Variants in RPS6KC1 observed in about 807,000 individuals in gnomAD.
RPS6KC1 encodes ribosomal protein S6 kinase C1, also known as inactive ribosomal protein S6 kinase delta-1.
A neutral mutation model predicts 103.8 loss-of-function variants in RPS6KC1; 54 were observed. That is an observed-to-expected ratio of 0.52 (90% CI 0.42 to 0.65). The LOEUF is 0.65. RPS6KC1 is among the 30% of genes least tolerant of loss of function. The probability of loss-of-function intolerance (pLI) is 0.00; values close to 1 mark genes in which losing one functional copy is unlikely to be tolerated. For synonymous variants in RPS6KC1, 439 were observed against 438.7 expected (o/e 1.00, Z -0.01); for missense variants, 1,151 against 1,253.8 (o/e 0.92, Z 1.24).
At chr1:213,143,991 T>C (rs1196018765) in intron 6 of RPS6KC1, among the ~76,000 whole-genome samples, 1 of 152,084 alleles carries the variant, frequency 6.6e-6, no homozygotes, top group African/African-American at 2.4e-5. Context: ...CATTTCACAG[T>C]GATCCTCAGC....
At chr1:213,502,267 T>G in the RPS6KC1 span, among the ~76,000 whole-genome samples, 1 of 152,196 alleles carries the variant, frequency 6.6e-6, no homozygotes. Flanking sequence ...AGATTGAGAA[T>G]GGCTTTTTGA....
chr1:213,427,610 A>G, the RPS6KC1 span, among the ~76,000 whole-genome samples: 1 of 152,172 alleles, frequency 6.6e-6, no homozygotes, highest in Non-Finnish European at 1.5e-5. Context: ...GTTTTGAATT[A>G]TTATATGCAT....
chr1:213,241,072 G>A lies in RPS6KC1; in HGVS notation c.1596G>A (p.Glu532=), dbSNP rs1232299956. The A allele has an allele frequency of 1.2e-6, 2 of 1,613,328 alleles. No homozygotes were observed. Among genetic ancestry groups the A allele is most frequent in the Admixed American group, 3.3e-5 (2 of 59,896 alleles). ...EKIEPGSLNE[E]PFMKTEGNGV... ...TTGAACCAGGGTCTTTGAATGAGGAGCCCTTCATGAAGACTGAAGGGAATG... is the reference window on the plus strand; with the variant it reads ...TTGAACCAGGGTCTTTGAATGAGGAACCCTTCATGAAGACTGAAGGGAATG... Residue 532 remains glutamate, a synonymous_variant, in exon 11 of 15, where the codon GAG becomes GAA. Transcript: ENST00000366960.
At chr1:213,396,582 G>A in the RPS6KC1 span, among the ~76,000 whole-genome samples, 1 of 152,178 alleles carries the variant, frequency 6.6e-6, no homozygotes, top group African/African-American at 2.4e-5. Flanking sequence ...TGAAAGCTTT[G>A]GGTTCACTAC....
the RPS6KC1 span, among the ~76,000 whole-genome samples, chr1:213,485,587 G>C: frequency 1.1e-3 from 174 of 152,184 alleles, no homozygotes; most frequent in African/African-American, 4.1e-3. Context: ...ACACATTTTT[G>C]CTCAAGTATT....
At chr1:213,353,137 G>A in the RPS6KC1 span, among the ~76,000 whole-genome samples, 603 of 152,310 alleles carry the variant, frequency 4.0e-3, 5 homozygotes, top group Non-Finnish European at 4.4e-3. Context: ...TATAATGTCA[G>A]TTCAGCAGGG....
chr1:213,501,766 T>G, the RPS6KC1 span, among the ~76,000 whole-genome samples: 35 of 151,904 alleles, frequency 2.3e-4, no homozygotes, highest in African/African-American at 8.0e-4. Flanking sequence ...GAAAAATAAT[T>G]GTTGGATTTT....
the RPS6KC1 span, among the ~76,000 whole-genome samples, chr1:213,631,512 A>C: frequency 6.6e-6 from 1 of 152,204 alleles, no homozygotes; most frequent in African/African-American, 2.4e-5. Flanking sequence ...ATTACAAACA[A>C]TGTCAGAATG....
At chr1:213,714,371 C>A in the RPS6KC1 span, among the ~76,000 whole-genome samples, 1 of 152,236 alleles carries the variant, frequency 6.6e-6, no homozygotes, top group African/African-American at 2.4e-5. Flanking sequence ...AATGCTCATT[C>A]AAATAGTCAT....
At chr1:213,297,371 A>T in the RPS6KC1 span, among the ~76,000 whole-genome samples, 3 of 152,224 alleles carry the variant, frequency 2.0e-5, no homozygotes, top group African/African-American at 7.2e-5. Flanking sequence ...TTGTTCATGT[A>T]CCTGTGTGTG....
At chr1:213,417,811 C>G in the RPS6KC1 span, among the ~76,000 whole-genome samples, 1 of 152,178 alleles carries the variant, frequency 6.6e-6, no homozygotes, top group African/African-American at 2.4e-5. Flanking sequence ...AGAACACACA[C>G]AGGTGAGTTG....
the RPS6KC1 span, among the ~76,000 whole-genome samples, chr1:213,678,697 C>T: frequency 1.3e-5 from 2 of 152,186 alleles, no homozygotes; most frequent in Non-Finnish European, 2.9e-5. Context: ...GTGTCTTGGG[C>T]ATTTCTAATC....
the RPS6KC1 span, among the ~76,000 whole-genome samples, chr1:213,803,446 T>C: frequency 6.6e-6 from 1 of 151,932 alleles, no homozygotes. Flanking sequence ...GGGGTTTCAC[T>C]ATGGTGGCCA....
In RPS6KC1 at chr1:213,241,208, C is replaced by T. The variant is rs1406898617; in HGVS notation, c.1732C>T (p.Pro578Ser). The T allele has an allele frequency of 1.2e-5, 20 of 1,613,598 alleles. No homozygotes were observed. Among genetic ancestry groups the T allele is most frequent in the Non-Finnish European group, 1.6e-5 (19 of 1,179,820 alleles). ...GCTGAAGTTCTTCCCCAACGATGAC[C>T]CAGAAGCAGTTAGTTCTCCAAGAAC... ...HELKFFPNDD[P>S]EAVSSPRTSD... is the part of the protein sequence containing the mutation. Residue 578 changes from proline (P) to serine (S), a missense_variant, in exon 11 of 15, where the codon CCA (proline) becomes TCA (serine). Pro to Ser is a moderately conservative substitution (Grantham distance 74, BLOSUM62 -1). Coordinates refer to ENST00000366960, the MANE Select transcript of RPS6KC1 (RefSeq NM_012424.6).
the RPS6KC1 span, among the ~76,000 whole-genome samples, chr1:213,463,458 C>T: frequency 0.42 from 63,465 of 151,968 alleles, 14,375 homozygotes; most frequent in East Asian, 0.57. Context: ...AGAAACAGTA[C>T]GGAGGGATCT....
the RPS6KC1 span, among the ~76,000 whole-genome samples, chr1:213,771,940 C>T: frequency 3.3e-5 from 5 of 152,078 alleles, no homozygotes; most frequent in Non-Finnish European, 5.9e-5. Flanking sequence ...GATATCTGGG[C>T]GGGCGTGGGG....
chr1:213,735,489 G>A, the RPS6KC1 span, among the ~76,000 whole-genome samples: 2 of 152,306 alleles, frequency 1.3e-5, no homozygotes, highest in South Asian at 4.1e-4. Context: ...CTGAGATGGG[G>A]TCGGGCCAGT....
chr1:213,559,556 A>G, the RPS6KC1 span, among the ~76,000 whole-genome samples: 1 of 152,206 alleles, frequency 6.6e-6, no homozygotes, highest in South Asian at 2.1e-4. Context: ...CATTTAAATG[A>G]TACATGCCTC....
the RPS6KC1 span, among the ~76,000 whole-genome samples, chr1:213,715,894 C>T: frequency 2.0e-5 from 3 of 152,154 alleles, no homozygotes; most frequent in South Asian, 6.2e-4. Context: ...CCATTGTCTC[C>T]AAATGCCCCT....
Sources: allele counts gnomAD v4.1 joint callset (sites outside exome capture counted in the v4.1 genomes callset), GRCh38; gene constraint gnomAD v4.1.1; transcripts MANE v1.5; gene names NCBI Gene and HGNC (gene_info 2026-07-23, HGNC 2026-07-21).